BAHCC1: variants seen among roughly 807,000 people sequenced by gnomAD.
BAHCC1 encodes the protein BAH and coiled-coil domain-containing protein 1.
Under a neutral mutation model 88.2 loss-of-function variants are expected in BAHCC1, and 43 were observed. The ratio of observed to expected loss-of-function variants is 0.49; its 90% CI spans 0.38 to 0.63. The LOEUF (loss-of-function observed/expected upper bound fraction) is 0.63. Among genes scored for constraint, BAHCC1 ranks in the 20% least tolerant of loss-of-function variants. The pLI is 0.00. For synonymous variants in BAHCC1, 1,510 were observed against 745.5 expected (o/e 2.03, Z -16.71); for missense variants, 3,023 against 1,654.8 (o/e 1.83, Z -14.34).
At chr17:81,398,831 G>A (rs563678430) in intron 1 of BAHCC1, among the ~76,000 whole-genome samples, 3 of 152,170 alleles carry the variant, frequency 2.0e-5, no homozygotes, top group South Asian at 4.1e-4. Flanking sequence ...GGGGACAGGA[G>A]CTGGTCCCGC....
intron 2 of BAHCC1, among the ~76,000 whole-genome samples, chr17:81,413,485 G>T (rs2063981913): frequency 6.6e-6 from 1 of 151,964 alleles, no homozygotes; most frequent in Non-Finnish European, 1.5e-5. Context: ...ACTCTGGGCT[G>T]TCCCCTCCGC....
rs1555645414 is a variant in BAHCC1 at position 81,399,143 on chromosome 17, G to A, written c.-206-391G>A. On this transcript the variant is annotated intron_variant, in intron 1 of 27. Coordinates refer to ENST00000675386, the MANE Select transcript of BAHCC1 (RefSeq NM_001377448.1). This position sits in a 1 kb window ranked among gnomAD's most constrained non-coding sequence, Gnocchi z 4.5. ...TGTGCGTGTGAGTGTGTGTGTGTGT[G>A]TGTGTGTGTGCGAGTGTGCGTGATG... The A allele has an allele frequency of 2.7e-6, 1 of 377,058 alleles. No individual in the cohort carries two copies. The highest frequency in any genetic ancestry group is 5.4e-6 in the Non-Finnish European group (1 of 185,566). The allele number at this position is 377,058 out of a possible 1,614,324, so 23.4% of individuals were successfully genotyped here. A position where few individuals can be genotyped will look rare whatever the true frequency, so the allele number is the denominator to read the frequency against.
chr17:81,432,885 TCC>T (rs1200696970), intron 3 of BAHCC1, among the ~76,000 whole-genome samples: 205 of 4,046 alleles, frequency 0.051, 11 homozygotes, highest in Non-Finnish European at 0.069. Context: ...AGGCCCAACC[TCC>T]CCCCCCATCC....
intron 2 of BAHCC1, among the ~76,000 whole-genome samples, chr17:81,400,353 G>A (rs2063799689): frequency 6.6e-6 from 1 of 152,202 alleles, no homozygotes; most frequent in Non-Finnish European, 1.5e-5. Context: ...GTACGCCGCG[G>A]CCTCGCGGAT....
At chr17:81,462,104 C>T (rs1303707298) in intron 26 of BAHCC1, 58 bp downstream of exon 26, 11 of 679,570 alleles carry the variant, frequency 1.6e-5, no homozygotes, top group East Asian at 2.5e-5. Flanking sequence ...GGGGCGGGCT[C>T]ATGCGCCCCT....
intron 17 of BAHCC1, 86 bp downstream of exon 17, chr17:81,457,678 G>T: frequency 1.6e-6 from 1 of 625,938 alleles, no homozygotes; most frequent in African/African-American, 1.9e-5. Context: ...GGCAGGGGTT[G>T]CTGGGTAACC....
At chr17:81,422,762 G>T in intron 2 of BAHCC1, 1 of 440,932 alleles carries the variant, frequency 2.3e-6, no homozygotes, top group Non-Finnish European at 4.6e-6. Flanking sequence ...CCCTTCTCCA[G>T]ACCCAACTTT....
At chr17:81,423,352 GC>G (rs1275688243) in intron 2 of BAHCC1, among the ~76,000 whole-genome samples, 5 of 148,452 alleles carry the variant, frequency 3.4e-5, no homozygotes, top group Admixed American at 2.0e-4. Flanking sequence ...AGCCCCCGCC[GC>G]CCCCCTTGCC....
chr17:81,417,560 C>CCCCCCCCG (rs2064050057), intron 2 of BAHCC1, among the ~76,000 whole-genome samples: 13 of 136,576 alleles, frequency 9.5e-5, no homozygotes, highest in East Asian at 2.3e-4. Flanking sequence ...CGGCCACCCC[C>CCCCCCCCG]CCCCCGCCCT....
At position 81,445,093 on chromosome 17, in the gene BAHCC1, G is replaced by C. The variant is rs555493054; in HGVS notation, c.2750G>C (p.Gly917Ala). 1.3e-6 allele frequency: 1 copy of C among 771,344 alleles called. No homozygotes were observed. The highest frequency in any genetic ancestry group is 2.4e-5 in the East Asian group (1 of 40,882). The allele number at this position is 771,344 out of a possible 1,614,324, so 47.8% of individuals were successfully genotyped here. A position where few individuals can be genotyped will look rare whatever the true frequency, so the allele number is the denominator to read the frequency against. The change falls in exon 9 of 28, where the codon GGC becomes GCC. Residue 917 changes from glycine to alanine, a missense_variant. Coordinates refer to ENST00000675386, the MANE Select transcript of BAHCC1 (RefSeq NM_001377448.1). ...CCCGCCTCTCACATGCAGCACCCGG[G>C]CCAGCTCCCTGTGTACTCGAGGCCG... ...RGPASHMQHP[G>A]QLPVYSRPQL...
At chr17:81,415,401 G>T in intron 2 of BAHCC1, 1 of 362,438 alleles carries the variant, frequency 2.8e-6, no homozygotes. Context: ...CACGCCTTGA[G>T]ACACAGAGTT....
At chr17:81,398,715 C>T (rs1026666589) in intron 1 of BAHCC1, among the ~76,000 whole-genome samples, 1 of 152,176 alleles carries the variant, frequency 6.6e-6, no homozygotes, top group Non-Finnish European at 1.5e-5. Context: ...CTCCCGGCTC[C>T]GGGACAGCAG....
intron 2 of BAHCC1, chr17:81,400,794 C>T (rs2063806352): frequency 6.5e-6 from 1 of 154,450 alleles, no homozygotes; most frequent in Non-Finnish European, 1.5e-5. Context: ...GGGCCCAGGC[C>T]TCCAGGGCAG....
At chr17:81,432,944 T>G (rs1224574965) in intron 3 of BAHCC1, among the ~76,000 whole-genome samples, 2 of 112,434 alleles carry the variant, frequency 1.8e-5, no homozygotes, top group East Asian at 2.8e-4. Flanking sequence ...CGCTCCTCCC[T>G]GTGGGGTTGG....
At chr17:81,419,542 C>G (rs1389194451) in intron 2 of BAHCC1, among the ~76,000 whole-genome samples, 2 of 152,170 alleles carry the variant, frequency 1.3e-5, no homozygotes, top group Non-Finnish European at 2.9e-5. Flanking sequence ...TGGTGTCCCC[C>G]GCCTGGGCGG....
chr17:81,422,751 T>A (rs971355178), intron 2 of BAHCC1: 1 of 437,894 alleles, frequency 2.3e-6, no homozygotes, highest in Non-Finnish European at 4.6e-6. Flanking sequence ...CCTGGAGAAA[T>A]CCCTTCTCCA....
intron 24 of BAHCC1, 39 bp from the exon 25 acceptor site, chr17:81,460,491 A>G (rs2030151509): frequency 2.7e-6 from 2 of 730,612 alleles, no homozygotes; most frequent in Non-Finnish European, 5.1e-6. Context: ...GTCACCCCAC[A>G]GCCATGGCAC....
At chr17:81,403,481 CAAA>C (rs61540149) in intron 2 of BAHCC1, among the ~76,000 whole-genome samples, 17 of 141,788 alleles carry the variant, frequency 1.2e-4, no homozygotes, top group Admixed American at 1.4e-4. Flanking sequence ...CCGCCAATCT[CAAA>C]AAAAAAAAAA....
rs532575779 is a variant in BAHCC1, at chr17:81,458,948, G to A, written c.5584G>A (p.Ala1862Thr). 2.3e-5 allele frequency: 17 copies of A among 745,896 alleles called. No homozygotes were observed. Among genetic ancestry groups the A allele is most frequent in the Non-Finnish European group, 3.0e-5 (12 of 398,586 alleles). The allele number at this position is 745,896 out of a possible 1,614,324, so 46.2% of individuals were successfully genotyped here. The change falls in exon 20 of 28, where the codon GCA (alanine) becomes ACA (threonine). Residue 1862 changes from alanine (A) to threonine (T), a missense_variant. Physicochemically the swap from Ala to Thr is moderately conservative, Grantham distance 58. Transcript: ENST00000675386. ...EEEEDSGPLS[A>T]EQSAALARSC... ...GGAGGAGGACAGCGGCCCTCTGAGCGCAGAGCAGAGCGCCGCCCTAGGTGA... is the reference window on the plus strand; with the variant it reads ...GGAGGAGGACAGCGGCCCTCTGAGCACAGAGCAGAGCGCCGCCCTAGGTGA...
Sources: allele counts gnomAD v4.1 joint callset (sites outside exome capture counted in the v4.1 genomes callset), GRCh38; gene constraint gnomAD v4.1.1; non-coding constraint Gnocchi (gnomAD v3.1); transcripts MANE v1.5; gene names NCBI Gene and HGNC (gene_info 2026-07-23, HGNC 2026-07-21).